The following DDX24 variants were observed in gnomAD, a reference collection of about 807,000 sequenced individuals.
DDX24 encodes DEAD-box helicase 24.
A neutral mutation model predicts 68.9 loss-of-function variants in DDX24; 24 were observed. The observed-to-expected ratio is 0.35, with a 90% CI of 0.25 to 0.49. The LOEUF is 0.49. Ranked by LOEUF, DDX24 falls within the 20% of genes least tolerant of loss-of-function variation. The probability of loss-of-function intolerance (pLI) is 0.99; values close to 1 mark genes in which losing one functional copy is unlikely to be tolerated. For missense variants in DDX24, 989 were observed against 1,039.0 expected (o/e 0.95, Z 0.66); for synonymous variants, 395 against 385.2 (o/e 1.03, Z -0.30).
intron 6 of DDX24, chr14:94,057,612 A>C: frequency 1.9e-6 from 1 of 526,424 alleles, no homozygotes; most frequent in South Asian, 2.8e-5. Flanking sequence ...CTTGGAGAGA[A>C]GGGCTACTTG....
intron 2 of DDX24, among the ~76,000 whole-genome samples, chr14:94,076,132 T>C (rs4905155): frequency 0.32 from 48,667 of 151,954 alleles, 7,981 homozygotes; most frequent in Admixed American, 0.39. Context: ...TTAAAGCACA[T>C]ATCCATACAA....
chr14:94,067,715 A>G (rs1885732717), intron 2 of DDX24, among the ~76,000 whole-genome samples: 1 of 152,234 alleles, frequency 6.6e-6, no homozygotes, highest in Non-Finnish European at 1.5e-5. Context: ...TCAGCCAAGA[A>G]TTTTGTATCC....
intron 2 of DDX24, among the ~76,000 whole-genome samples, chr14:94,067,732 A>C (rs2141430736): frequency 6.6e-6 from 1 of 152,324 alleles, no homozygotes; most frequent in Non-Finnish European, 1.5e-5. Context: ...ATCCAGCAAA[A>C]CTAAGCATCA....
chr14:94,065,909 T>C (rs1481714943), intron 2 of DDX24, among the ~76,000 whole-genome samples: 2 of 152,006 alleles, frequency 1.3e-5, no homozygotes, highest in Admixed American at 6.5e-5. Context: ...ACTGGGAGGG[T>C]GGCCACAGGA....
rs1188862250 is a variant in DDX24 at position 94,054,908 on chromosome 14, G to A, written c.2178+88C>T. 5.1e-5 allele frequency: 74 copies of A among 1,438,274 alleles called. 1 individual carries two copies. Among genetic ancestry groups the A allele is most frequent in the Non-Finnish European group, 7.0e-5 (73 of 1,042,052 alleles). 89.1% of individuals were successfully genotyped at this position (1,438,274 alleles called of 1,614,324 possible). Reference sequence around the variant, plus strand: ...CAGAACCATTCCTTAGTTTTCAAGGGTTATGCTGCCAGAGTCCCACAGCAA... The same window carrying A: ...CAGAACCATTCCTTAGTTTTCAAGGATTATGCTGCCAGAGTCCCACAGCAA... On this transcript the variant is annotated intron_variant, in intron 7 of 8. Transcript: ENST00000621632.
chr14:94,078,028 T>TA (rs559505980), intron 2 of DDX24, among the ~76,000 whole-genome samples: 8,278 of 141,970 alleles, frequency 0.058, 563 homozygotes, highest in African/African-American at 0.17. Context: ...TTCGGGGGGG[T>TA]AAAAAAAAAA....
chr14:94,054,794 C>G (rs1183030515), intron 7 of DDX24, among the ~76,000 whole-genome samples: 1 of 152,138 alleles, frequency 6.6e-6, no homozygotes, highest in Non-Finnish European at 1.5e-5. Flanking sequence ...GGAGAAAATG[C>G]CTCCCACCTT....
In DDX24 at chr14:94,053,313, C is replaced by T. The variant is rs1885424919; in HGVS notation, c.2179-186G>A. On this transcript the variant is annotated intron_variant, in intron 7 of 8. Coordinates refer to ENST00000621632, the MANE Select transcript of DDX24 (RefSeq NM_020414.4). ...CTTGGATCAAGCAATCCTCCCACCT[C>T]AGCCTCCCAAGCAGCTGGGAGGCAC... The T allele has an allele frequency of 9.1e-6, 5 of 550,218 alleles. No individual in the cohort carries two copies. The South Asian group carries it at 1.4e-4, about 15-fold the overall frequency. 34.1% of individuals were successfully genotyped at this position (550,218 alleles called of 1,614,324 possible).
intron 3 of DDX24, 133 bp downstream of exon 3, chr14:94,061,964 G>A: frequency 9.7e-7 from 1 of 1,027,036 alleles, no homozygotes; most frequent in Non-Finnish European, 1.4e-6. Flanking sequence ...TCAATTTTCT[G>A]TAGGGCTTAA....
intron 2 of DDX24, among the ~76,000 whole-genome samples, chr14:94,070,050 A>C (rs1053852084): frequency 7.9e-5 from 12 of 152,174 alleles, no homozygotes; most frequent in Admixed American, 7.8e-4. Flanking sequence ...AGGGCATCCA[A>C]ATCAGTAAAG....
chr14:94,069,561 A>C (rs1291332524), intron 2 of DDX24, among the ~76,000 whole-genome samples: 15 of 152,178 alleles, frequency 9.9e-5, no homozygotes, highest in Admixed American at 9.8e-4. Context: ...ACAACCAAAA[A>C]AGAAAACTAC....
At chr14:94,060,707 CACACACGT>C in intron 4 of DDX24, 94 bp from the exon 5 acceptor site, 1 of 1,481,544 alleles carries the variant, frequency 6.7e-7, no homozygotes, top group Non-Finnish European at 9.1e-7. Flanking sequence ...CACACACACA[CACACACGT>C]ACACACCCCA....
intron 5 of DDX24, among the ~76,000 whole-genome samples, chr14:94,059,670 T>A (rs576649539): frequency 6.6e-6 from 1 of 152,304 alleles, no homozygotes; most frequent in Non-Finnish European, 1.5e-5. Flanking sequence ...ACAGAGAAAT[T>A]AAATAACTTG....
intron 2 of DDX24, among the ~76,000 whole-genome samples, chr14:94,077,759 T>C (rs775516874): frequency 2.6e-5 from 4 of 152,198 alleles, no homozygotes; most frequent in Non-Finnish European, 5.9e-5. Context: ...CTGAGTTTCC[T>C]GACCACTGTT....
At chr14:94,074,069 G>GT (rs1212476987) in intron 2 of DDX24, among the ~76,000 whole-genome samples, 2 of 149,156 alleles carry the variant, frequency 1.3e-5, no homozygotes, top group African/African-American at 4.9e-5. Flanking sequence ...AAAAAAATAA[G>GT]TAACACAAAT....
intron 1 of DDX24, 129 bp from the exon 2 acceptor site, chr14:94,079,876 C>G: frequency 1.2e-6 from 1 of 825,830 alleles, no homozygotes. Context: ...CACACAGTTG[C>G]TCCCACCTAG....
chr14:94,060,365 T>G lies in DDX24; in HGVS notation c.1646A>C (p.Lys549Thr). The change falls in exon 5 of 9, where the codon AAG (lysine) becomes ACG (threonine). Residue 549 changes from lysine (K) to threonine (T), a missense_variant. Physicochemically the swap from Lys to Thr is moderately conservative, Grantham distance 78. Transcript: ENST00000621632. The stretch of plus-strand genomic sequence containing the variant: ...CTCATTCCTTGTGAGGTCAATGACC[T>G]TGGGCTTGCCCCTCATGCCAATTTT... Reference protein sequence around the residue: ...MQKIGMRGKPKVIDLTRNEAT... With the variant: ...MQKIGMRGKPTVIDLTRNEAT... The G allele has an allele frequency of 6.2e-7, 1 of 1,614,210 alleles. No homozygotes were observed. Among genetic ancestry groups the G allele is most frequent in the Non-Finnish European group, 8.5e-7 (1 of 1,180,034 alleles).
rs1052842877 is a variant in DDX24, at chr14:94,048,638, G to C, written c.*2553C>G. ...ACTCATCGTATGGGCTCTGCAAAGGGATATTCCCCAACCTGTCCTTCCTGA... is the reference window on the plus strand; with the variant it reads ...ACTCATCGTATGGGCTCTGCAAAGGCATATTCCCCAACCTGTCCTTCCTGA... On this transcript the variant is annotated 3_prime_UTR_variant, in exon 9 of 9. Coordinates refer to ENST00000621632, the MANE Select transcript of DDX24 (RefSeq NM_020414.4). The C allele has an allele frequency of 5.3e-5, 8 of 152,222 alleles. No individual in the cohort carries two copies. Among genetic ancestry groups the C allele is most frequent in the Non-Finnish European group, 8.8e-5 (6 of 68,056 alleles). 9.4% of individuals were successfully genotyped at this position (152,222 alleles called of 1,614,324 possible).
rs1489002184 is a variant in DDX24 at position 94,060,456 on chromosome 14, G to A, written c.1555C>T (p.Arg519Ter). 1.2e-6 allele frequency: 2 copies of A among 1,613,988 alleles called. No homozygotes were observed. Among genetic ancestry groups the A allele is most frequent in the Non-Finnish European group, 1.7e-6 (2 of 1,180,030 alleles). Residue 519 changes from arginine (R) to a stop codon, truncating the protein, a stop_gained, in exon 5 of 9, where the codon CGA (arginine) becomes TGA (stop). Transcript: ENST00000621632. LOFTEE classifies it high-confidence loss of function. ...TTGGTGTGCTTCTTATGAAGGATTC[G>A]AGCAGGAGCCTGATGCACCAGGGTG... is the stretch of plus-strand genomic sequence containing the variant. ...TLTLVHQAPA[R>*]ILHKKHTKKM...
Sources: allele counts gnomAD v4.1 joint callset (sites outside exome capture counted in the v4.1 genomes callset), GRCh38; gene constraint gnomAD v4.1.1; transcripts MANE v1.5; gene names NCBI Gene and HGNC (gene_info 2026-07-23, HGNC 2026-07-21).